Variants in GRXCR2 observed in about 807,000 individuals in gnomAD.
GRXCR2 encodes the protein glutaredoxin and cysteine rich domain containing 2, also known as glutaredoxin domain-containing cysteine-rich protein 2.
A neutral mutation model predicts 24.8 loss-of-function variants in GRXCR2; 23 were observed. The ratio of observed to expected loss-of-function variants is 0.93; its 90% CI spans 0.67 to 1.32. The LOEUF is 1.32. Ranked by LOEUF, GRXCR2 falls within the 40% of genes most tolerant of loss-of-function variation. The pLI is 0.00. For synonymous variants in GRXCR2, 130 were observed against 116.1 expected, an observed-to-expected ratio of 1.12 and a Z score of -0.77; for missense variants, 315 against 303.4, an observed-to-expected ratio of 1.04 and a Z score of -0.28.
upstream of GRXCR2, chr5:145,873,052 T>C: frequency 9.5e-7 from 1 of 1,055,890 alleles, no homozygotes; most frequent in African/African-American, 1.6e-5. Flanking sequence ...TTTTATTTTC[T>C]CTCCTCCTGC....
At chr5:145,872,538 G>A in intron 1 of GRXCR2, 95 bp downstream of exon 1, 1 of 1,029,790 alleles carries the variant, frequency 9.7e-7, no homozygotes, top group East Asian at 2.5e-5. Context: ...TACCGGAGGG[G>A]GAGCAAGACA....
In GRXCR2 at chr5:145,859,548, G is replaced by A. The variant is rs1756293425; in HGVS notation, c.*185C>T. 9.8e-6 allele frequency: 6 copies of A among 613,600 alleles called. No homozygotes were observed. The South Asian group carries it at 9.9e-5, about 10-fold the overall frequency. The allele number at this position is 613,600 out of a possible 1,614,324, so 38.0% of individuals were successfully genotyped here. A position where few individuals can be genotyped will look rare whatever the true frequency, so the allele number is the denominator to read the frequency against. ...AATTCAGAAATGCCCCTGCCACTTA[G>A]ACCCACAGAGAGATGTTACCGGCCT... On this transcript the variant is annotated 3_prime_UTR_variant, in exon 3 of 3. Coordinates refer to ENST00000377976, the MANE Select transcript of GRXCR2 (RefSeq NM_001080516.2).
At chr5:145,876,179 ATGTG>A (rs200140784), upstream of GRXCR2, among the ~76,000 whole-genome samples, 2 of 113,386 alleles carry the variant, frequency 1.8e-5, no homozygotes, top group African/African-American at 6.9e-5. Flanking sequence ...AAAAAATTGT[ATGTG>A]TGTGTGTGTA....
intron 2 of GRXCR2, among the ~76,000 whole-genome samples, chr5:145,862,889 T>A (rs1457672678): frequency 6.6e-6 from 1 of 152,192 alleles, no homozygotes; most frequent in Non-Finnish European, 1.5e-5. Flanking sequence ...AAATGAACTG[T>A]TGCATGGAGC....
chr5:145,921,416 C>A (rs1368722245), intron 2 of GRXCR2, among the ~76,000 whole-genome samples: 1 of 152,174 alleles, frequency 6.6e-6, no homozygotes, highest in Non-Finnish European at 1.5e-5. Context: ...TCACCAGTCA[C>A]CCCAGTCTGC....
At chr5:145,883,405 T>C (rs1756732379) in intron 2 of GRXCR2, among the ~76,000 whole-genome samples, 1 of 152,212 alleles carries the variant, frequency 6.6e-6, no homozygotes. Flanking sequence ...TGGGAAATAC[T>C]TAAATCCTCA....
intron 2 of GRXCR2, among the ~76,000 whole-genome samples, chr5:145,861,520 T>A (rs1036420348): frequency 4.0e-5 from 6 of 151,158 alleles, no homozygotes; most frequent in African/African-American, 9.8e-5. Flanking sequence ...GGACCAGGAG[T>A]TCCCCCACCC....
chr5:145,912,077 A>G (rs550984137), intron 2 of GRXCR2, among the ~76,000 whole-genome samples: 1 of 152,314 alleles, frequency 6.6e-6, no homozygotes, highest in South Asian at 2.1e-4. Flanking sequence ...ATCCTGAGAG[A>G]CAGAGTGAGA....
upstream of GRXCR2, among the ~76,000 whole-genome samples, chr5:145,877,037 T>C (rs905243986): frequency 6.6e-6 from 1 of 152,078 alleles, no homozygotes; most frequent in Non-Finnish European, 1.5e-5. Flanking sequence ...ATTTTACTTG[T>C]CTGTGATAAG....
chr5:145,900,557 A>G (rs1757011290), intron 2 of GRXCR2, among the ~76,000 whole-genome samples: 1 of 152,222 alleles, frequency 6.6e-6, no homozygotes. Flanking sequence ...CTCACTAATC[A>G]TGAGAGAAAT....
intron 2 of GRXCR2, among the ~76,000 whole-genome samples, chr5:145,907,757 T>C (rs556607050): frequency 3.3e-5 from 5 of 152,178 alleles, no homozygotes; most frequent in East Asian, 1.9e-4. Flanking sequence ...AGAATAGGTA[T>C]TGGGGACAGA....
intron 2 of GRXCR2, among the ~76,000 whole-genome samples, chr5:145,892,383 G>GA (rs1338650924): frequency 1.3e-5 from 2 of 151,874 alleles, no homozygotes; most frequent in African/African-American, 2.4e-5. Context: ...TAAAGACCTT[G>GA]AAAAAAAATT....
intron 2 of GRXCR2, among the ~76,000 whole-genome samples, chr5:145,861,521 TC>T (rs148270909): frequency 0.01 from 1,548 of 151,810 alleles, 38 homozygotes; most frequent in African/African-American, 0.035. Context: ...GACCAGGAGT[TC>T]CCCCACCCCC....
upstream of GRXCR2, among the ~76,000 whole-genome samples, chr5:145,877,399 G>A (rs530692407): frequency 2.7e-5 from 4 of 150,848 alleles, no homozygotes; most frequent in African/African-American, 9.7e-5. Flanking sequence ...TGCCAGGCTG[G>A]AATGCAGTGG....
intron 2 of GRXCR2, among the ~76,000 whole-genome samples, chr5:145,923,850 G>A (rs564521581): frequency 4.2e-4 from 64 of 151,888 alleles, no homozygotes; most frequent in African/African-American, 1.5e-3. Flanking sequence ...TCCCTTCCTG[G>A]TGGATATTTA....
chr5:145,902,998 T>C (rs548577884), intron 2 of GRXCR2, among the ~76,000 whole-genome samples: 2 of 152,204 alleles, frequency 1.3e-5, no homozygotes, highest in Non-Finnish European at 2.9e-5. Flanking sequence ...ATTATGCAGC[T>C]TTTAAATAAA....
At chr5:145,894,811 C>A (rs1051263124) in intron 2 of GRXCR2, among the ~76,000 whole-genome samples, 1 of 152,070 alleles carries the variant, frequency 6.6e-6, no homozygotes, top group Non-Finnish European at 1.5e-5. Context: ...CATACCAAAG[C>A]CTGGCAGAGA....
intron 2 of GRXCR2, among the ~76,000 whole-genome samples, chr5:145,887,440 C>T (rs1756793448): frequency 6.6e-6 from 1 of 152,152 alleles, no homozygotes; most frequent in Non-Finnish European, 1.5e-5. Flanking sequence ...CCCTAGAGGA[C>T]ATTATGGAAC....
upstream of GRXCR2, among the ~76,000 whole-genome samples, chr5:145,874,761 C>A (rs1343347524): frequency 6.6e-6 from 1 of 152,210 alleles, no homozygotes; most frequent in Non-Finnish European, 1.5e-5. Flanking sequence ...ACAAGCAAAG[C>A]CCCTCAAAAA....
Sources: gnomAD v4.1 joint callset for allele counts (sites outside exome capture counted in the v4.1 genomes callset) on GRCh38, gnomAD v4.1.1 for gene constraint, MANE v1.5 for transcripts, NCBI Gene and HGNC (gene_info 2026-07-23, HGNC 2026-07-21) for gene names.